Variants in SECISBP2L observed in about 807,000 individuals in gnomAD.
SECISBP2L encodes the protein selenocysteine insertion sequence-binding protein 2-like.
In SECISBP2L, 43 loss-of-function variants were observed where a neutral mutation model predicts 114.7. That is an observed-to-expected ratio of 0.38 (90% CI 0.29 to 0.48). The LOEUF (loss-of-function observed/expected upper bound fraction) is 0.48, where lower values mean the gene tolerates loss of function less well. Ranked by LOEUF, SECISBP2L falls within the 20% of genes least tolerant of loss-of-function variation. The probability of loss-of-function intolerance (pLI) is 0.98; values close to 1 mark genes in which losing one functional copy is unlikely to be tolerated. For synonymous variants in SECISBP2L, 451 were observed against 439.7 expected (o/e 1.03, Z -0.32); for missense variants, 1,136 against 1,301.1 (o/e 0.87, Z 1.95).
chr15:49,028,716 T>A, intron 4 of SECISBP2L, 34 bp from the exon 5 acceptor site: 2 of 1,514,050 alleles, frequency 1.3e-6, no homozygotes. Context: ...CAATTCTTTG[T>A]GATGAACAAA....
Position 48,991,976 on chromosome 15 carries a change from T to C in SECISBP2L, c.*268A>G, listed in dbSNP as rs1157043426. ...AAGTAAGCATTTGAAATTTATTTTC[T>C]TTAAGATCTGGTCTTCTTTTTATCA... On this transcript the variant is annotated 3_prime_UTR_variant, in exon 18 of 18. Coordinates refer to ENST00000559471, the MANE Select transcript of SECISBP2L (RefSeq NM_001193489.2). 3.1e-6 allele frequency: 1 copy of C among 319,460 alleles called. No individual in the cohort carries two copies. The highest frequency in any genetic ancestry group is 5.7e-6 in the Non-Finnish European group (1 of 175,452). The allele number at this position is 319,460 out of a possible 1,614,324, so 19.8% of individuals were successfully genotyped here.
At chr15:49,043,647 C>G (rs1416895742) in intron 1 of SECISBP2L, among the ~76,000 whole-genome samples, 6 of 145,126 alleles carry the variant, frequency 4.1e-5, no homozygotes, top group African/African-American at 1.5e-4. Context: ...GCATTATATA[C>G]CAAGCAACAC....
chr15:49,020,818 T>A (rs1902626548), intron 7 of SECISBP2L, among the ~76,000 whole-genome samples: 1 of 152,166 alleles, frequency 6.6e-6, no homozygotes, highest in Non-Finnish European at 1.5e-5. Flanking sequence ...ACTCTTTAAT[T>A]TAACTACTGT....
chr15:49,028,856 A>C (rs1902821359), intron 4 of SECISBP2L, among the ~76,000 whole-genome samples, 174 bp from the exon 5 acceptor site: 1 of 152,194 alleles, frequency 6.6e-6, no homozygotes. Flanking sequence ...AAGTTGGTTC[A>C]TAATGTTTTT....
At chr15:49,016,055 G>C (rs937233269) in intron 11 of SECISBP2L, among the ~76,000 whole-genome samples, 2 of 152,184 alleles carry the variant, frequency 1.3e-5, no homozygotes, top group Non-Finnish European at 2.9e-5. Flanking sequence ...AAGGCAAAAA[G>C]GTAATAGGGT....
chr15:49,032,187 G>C (rs1902903118), intron 4 of SECISBP2L, among the ~76,000 whole-genome samples: 1 of 152,158 alleles, frequency 6.6e-6, no homozygotes, highest in African/African-American at 2.4e-5. Context: ...TTGAATGGAG[G>C]CTGTACAGAG....
chr15:49,039,393 C>T (rs182125120), intron 1 of SECISBP2L, among the ~76,000 whole-genome samples: 25 of 151,936 alleles, frequency 1.6e-4, no homozygotes, highest in South Asian at 6.2e-4. Flanking sequence ...AAAGAAAAGC[C>T]GACGTACAGC....
intron 16 of SECISBP2L, among the ~76,000 whole-genome samples, chr15:48,998,804 T>C (rs1258765748): frequency 6.6e-6 from 1 of 152,198 alleles, no homozygotes; most frequent in Non-Finnish European, 1.5e-5. Flanking sequence ...CCCGAGTTAC[T>C]GGGCTAACAG....
intron 11 of SECISBP2L, among the ~76,000 whole-genome samples, chr15:49,013,524 T>A (rs1191863787): frequency 3.9e-5 from 6 of 152,188 alleles, no homozygotes; most frequent in Non-Finnish European, 8.8e-5. Flanking sequence ...CTCGATCTCT[T>A]GACCTTGTGA....
chr15:49,046,249 C>T, intron 1 of SECISBP2L, 27 bp downstream of exon 1: 1 of 1,565,776 alleles, frequency 6.4e-7, no homozygotes, highest in Non-Finnish European at 8.6e-7. Context: ...ACCCCCGGCT[C>T]GGCGGGCCCA....
At chr15:49,046,253 G>T (rs900334211) in intron 1 of SECISBP2L, 23 bp downstream of exon 1, 2 of 1,566,906 alleles carry the variant, frequency 1.3e-6, no homozygotes, top group East Asian at 2.4e-5. Context: ...CCGGCTCGGC[G>T]GGCCCAGCCC....
intron 1 of SECISBP2L, among the ~76,000 whole-genome samples, chr15:49,041,443 T>C (rs1266310024): frequency 2.6e-5 from 4 of 152,200 alleles, no homozygotes; most frequent in African/African-American, 4.8e-5. Context: ...ATTAGACAAA[T>C]GTATTCAGAT....
intron 14 of SECISBP2L, among the ~76,000 whole-genome samples, chr15:49,005,642 GT>G (rs1238502838): frequency 1.6e-5 from 2 of 124,194 alleles, no homozygotes; most frequent in African/African-American, 3.1e-5. Flanking sequence ...GAGCCTATGT[GT>G]GTCTTTGCAC....
chr15:49,021,551 G>A (rs920810607), intron 7 of SECISBP2L, among the ~76,000 whole-genome samples: 3 of 152,206 alleles, frequency 2.0e-5, no homozygotes, highest in Non-Finnish European at 4.4e-5. Flanking sequence ...ATTGGAAGCA[G>A]ACCTGGAGAG....
chr15:49,013,608 T>C (rs4284578), intron 11 of SECISBP2L, among the ~76,000 whole-genome samples: 76,804 of 152,102 alleles, frequency 0.5, 21,489 homozygotes, highest in Non-Finnish European at 0.63. Context: ...GTAATTCTTT[T>C]ATGTCTGGTT....
intron 4 of SECISBP2L, among the ~76,000 whole-genome samples, chr15:49,029,001 G>A (rs116851315): frequency 3.3e-5 from 5 of 151,994 alleles, no homozygotes; most frequent in African/African-American, 1.2e-4. Flanking sequence ...CGGGACTACA[G>A]GCACGCACCA....
At chr15:49,021,338 A>G (rs1394626352) in intron 7 of SECISBP2L, among the ~76,000 whole-genome samples, 1 of 152,200 alleles carries the variant, frequency 6.6e-6, no homozygotes, top group African/African-American at 2.4e-5. Context: ...AAAAAATCCC[A>G]TTAACGAATA....
intron 11 of SECISBP2L, among the ~76,000 whole-genome samples, chr15:49,014,091 C>G (rs867339170): frequency 3.3e-5 from 5 of 152,158 alleles, no homozygotes; most frequent in Non-Finnish European, 7.4e-5. Flanking sequence ...TCTGCCCAAC[C>G]CATTCTCTTG....
Position 49,035,459 on chromosome 15 carries a change from G to A in SECISBP2L, c.403C>T (p.Gln135Ter). 6.2e-7 allele frequency: 1 copy of A among 1,614,158 alleles called. No homozygotes were observed. The highest frequency in any genetic ancestry group is 2.2e-5 in the East Asian group (1 of 44,890). The change falls in exon 3 of 18, where the codon CAG becomes TAG. Residue 135 changes from glutamine to a stop codon, truncating the protein, a stop_gained. Coordinates refer to ENST00000559471, the MANE Select transcript of SECISBP2L (RefSeq NM_001193489.2). LOFTEE classifies it high-confidence loss of function. ...PFPTPYSNTF[Q>*]AANTVNAITT... ...ATAGCATTTACAGTATTTGCAGCCT[G>A]AAAGGTGTTGGAGTAAGGTGTAGGA...
Sources: allele counts gnomAD v4.1 joint callset (sites outside exome capture counted in the v4.1 genomes callset), GRCh38; gene constraint gnomAD v4.1.1; transcripts MANE v1.5; gene names NCBI Gene and HGNC (gene_info 2026-07-23, HGNC 2026-07-21).